Variants in CNTN5 observed in about 807,000 individuals in gnomAD.
The protein encoded by CNTN5 is contactin 5, also known as contactin-5.
A neutral mutation model predicts 129.1 loss-of-function variants in CNTN5; 77 were observed. The observed-to-expected ratio is 0.60, with a 90% CI of 0.50 to 0.72. The LOEUF is 0.72. CNTN5 is among the 30% of genes least tolerant of loss of function. The probability of loss-of-function intolerance (pLI) is 0.00; values close to 1 mark genes in which losing one functional copy is unlikely to be tolerated. For synonymous variants in CNTN5, 509 were observed against 465.6 expected (o/e 1.09, Z -1.20); for missense variants, 1,478 against 1,328.8 (o/e 1.11, Z -1.75).
At chr11:99,693,674 CAA>C (rs1423177564) in intron 3 of CNTN5, among the ~76,000 whole-genome samples, 1 of 152,024 alleles carries the variant, frequency 6.6e-6, no homozygotes, top group Non-Finnish European at 1.5e-5. Context: ...ACAAGAAAAA[CAA>C]ATTTTATTTC....
chr11:99,305,182 A>G (rs551967982), intron 1 of CNTN5, among the ~76,000 whole-genome samples: 65 of 152,320 alleles, frequency 4.3e-4, no homozygotes, highest in African/African-American at 1.5e-3. Context: ...AAAACACAGC[A>G]ATTAGAACAC....
chr11:99,338,915 C>T (rs1866358994), intron 2 of CNTN5, among the ~76,000 whole-genome samples: 2 of 59,542 alleles, frequency 3.4e-5, no homozygotes, highest in South Asian at 6.3e-4. Flanking sequence ...TTTGTTCATT[C>T]ACAGATATAT....
At chr11:99,350,259 C>T (rs1369030564) in intron 2 of CNTN5, among the ~76,000 whole-genome samples, 3 of 151,948 alleles carry the variant, frequency 2.0e-5, no homozygotes, top group African/African-American at 7.2e-5. Flanking sequence ...AACGGAATGC[C>T]TAAAATACAC....
chr11:100,282,318 A>G (rs1440957671), intron 18 of CNTN5, among the ~76,000 whole-genome samples: 1 of 152,194 alleles, frequency 6.6e-6, no homozygotes, highest in African/African-American at 2.4e-5. Flanking sequence ...CAAGCCCAGT[A>G]ATGTAGTTCT....
At chr11:100,070,072 G>T (rs1025324554) in intron 10 of CNTN5, among the ~76,000 whole-genome samples, 1 of 150,726 alleles carries the variant, frequency 6.6e-6, no homozygotes, top group Admixed American at 6.6e-5. Flanking sequence ...TGCTAATGCT[G>T]CCCCACTACA....
At chr11:99,961,596 TTC>T in intron 8 of CNTN5, among the ~76,000 whole-genome samples, 1 of 152,170 alleles carries the variant, frequency 6.6e-6, no homozygotes, top group East Asian at 1.9e-4. Flanking sequence ...AGAAATGGGA[TTC>T]AATAAAGGGG....
intron 1 of CNTN5, among the ~76,000 whole-genome samples, chr11:99,093,445 GT>G (rs11399723): frequency 1.2e-3 from 178 of 146,424 alleles, no homozygotes; most frequent in African/African-American, 3.3e-3. Context: ...TTGTTTTTCT[GT>G]TTTTTTTTTT....
chr11:100,308,710 G>A, intron 21 of CNTN5: 1 of 1,095,908 alleles, frequency 9.1e-7, no homozygotes, highest in Non-Finnish European at 1.1e-6. Context: ...ATGAAATAGA[G>A]TTTTAGACAA....
At chr11:99,035,293 G>A (rs1444167855) in intron 1 of CNTN5, among the ~76,000 whole-genome samples, 4 of 149,976 alleles carry the variant, frequency 2.7e-5, no homozygotes, top group Non-Finnish European at 4.5e-5. Context: ...GGTCCGCTTG[G>A]TGCAGAGCTG....
intron 21 of CNTN5, among the ~76,000 whole-genome samples, chr11:100,322,308 C>T (rs995378735): frequency 3.3e-5 from 5 of 151,902 alleles, no homozygotes; most frequent in African/African-American, 4.8e-5. Flanking sequence ...CTGCAAGCTC[C>T]GCCTCCTGGG....
intron 3 of CNTN5, among the ~76,000 whole-genome samples, chr11:99,650,939 T>C (rs1357090756): frequency 1.3e-5 from 2 of 151,944 alleles, no homozygotes; most frequent in South Asian, 2.1e-4. Context: ...TCTATGTCTT[T>C]CCACTTAAGG....
At chr11:99,734,012 G>A (rs74329129) in intron 3 of CNTN5, among the ~76,000 whole-genome samples, 1,948 of 152,228 alleles carry the variant, frequency 0.013, 44 homozygotes, top group African/African-American at 0.043. Context: ...AATGCTATAG[G>A]CTTCTTACTG....
intron 21 of CNTN5, among the ~76,000 whole-genome samples, chr11:100,334,647 G>A (rs543853): frequency 0.023 from 3,527 of 152,224 alleles, 157 homozygotes; most frequent in African/African-American, 0.081. Context: ...GGGTGGAAAT[G>A]GAGACTATTA....
chr11:99,687,840 G>C (rs933114831), intron 3 of CNTN5, among the ~76,000 whole-genome samples: 5 of 152,144 alleles, frequency 3.3e-5, no homozygotes, highest in African/African-American at 2.4e-5. Context: ...GTAGATTCAG[G>C]TGCTGGTTCT....
chr11:99,560,998 T>C (rs1384753597), intron 3 of CNTN5, among the ~76,000 whole-genome samples: 1 of 152,220 alleles, frequency 6.6e-6, no homozygotes, highest in East Asian at 1.9e-4. Flanking sequence ...TCTATGTGTC[T>C]GAGTAGCAAC....
chr11:99,585,965 T>A (rs561184122), intron 3 of CNTN5, among the ~76,000 whole-genome samples: 7 of 152,288 alleles, frequency 4.6e-5, no homozygotes, highest in African/African-American at 1.4e-4. Context: ...TTCCTTCCTA[T>A]TTTTCTTCCT....
At chr11:99,952,766 A>G (rs1190059006) in intron 7 of CNTN5, among the ~76,000 whole-genome samples, 1 of 152,184 alleles carries the variant, frequency 6.6e-6, no homozygotes, top group Non-Finnish European at 1.5e-5. Context: ...ATTAAATCTC[A>G]TATTACAGAA....
At chr11:99,723,298 GAGAA>G (rs1943234419) in intron 3 of CNTN5, among the ~76,000 whole-genome samples, 1 of 152,022 alleles carries the variant, frequency 6.6e-6, no homozygotes, top group African/African-American at 2.4e-5. Flanking sequence ...TACATGGCTG[GAGAA>G]AAAAATTAGA....
At chr11:99,308,382 T>A (rs1190314135) in intron 1 of CNTN5, among the ~76,000 whole-genome samples, 1 of 152,194 alleles carries the variant, frequency 6.6e-6, no homozygotes, top group Non-Finnish European at 1.5e-5. Flanking sequence ...AGTGAAGGGC[T>A]AACTTTGCTA....
Sources: allele counts gnomAD v4.1 joint callset (sites outside exome capture counted in the v4.1 genomes callset), GRCh38; gene constraint gnomAD v4.1.1; transcripts MANE v1.5; gene names NCBI Gene and HGNC (gene_info 2026-07-23, HGNC 2026-07-21).